The following ARHGAP42 variants were observed in gnomAD, a reference collection of about 807,000 sequenced individuals.
The protein encoded by ARHGAP42 is rho GTPase-activating protein 42.
A neutral mutation model predicts 125.0 loss-of-function variants in ARHGAP42; 63 were observed. The observed-to-expected ratio is 0.50, with a 90% CI of 0.41 to 0.62. ARHGAP42 has a LOEUF of 0.62. ARHGAP42 is among the 20% of genes least tolerant of loss of function. ARHGAP42 has a pLI of 0.00. For synonymous variants in ARHGAP42, 339 were observed against 351.0 expected (o/e 0.97, Z 0.38); for missense variants, 766 against 1,024.2 (o/e 0.75, Z 3.44).
chr11:100,932,960 G>C (rs1015770084), intron 6 of ARHGAP42, among the ~76,000 whole-genome samples, 196 bp from the exon 7 acceptor site: 5 of 152,054 alleles, frequency 3.3e-5, no homozygotes, highest in African/African-American at 9.7e-5. Context: ...TTAAATTACT[G>C]TCTACCAAAA....
intron 1 of ARHGAP42, among the ~76,000 whole-genome samples, chr11:100,757,132 G>A (rs1450466406): frequency 6.6e-6 from 1 of 152,156 alleles, no homozygotes; most frequent in East Asian, 1.9e-4. Context: ...ACTTTTTAAA[G>A]TGAGAAAATG....
intron 1 of ARHGAP42, among the ~76,000 whole-genome samples, chr11:100,741,868 C>T (rs1862194281): frequency 6.6e-6 from 1 of 152,170 alleles, no homozygotes; most frequent in Admixed American, 6.5e-5. Flanking sequence ...GTACTAGGGA[C>T]TGCAATGTGC....
chr11:100,751,288 T>G (rs866022860), intron 1 of ARHGAP42, among the ~76,000 whole-genome samples: 6 of 139,204 alleles, frequency 4.3e-5, no homozygotes, highest in South Asian at 4.4e-4. Flanking sequence ...TGTTTTTTTT[T>G]TTTTTTTTTT....
At chr11:100,774,186 G>A (rs17651201) in intron 2 of ARHGAP42, among the ~76,000 whole-genome samples, 3,997 of 152,226 alleles carry the variant, frequency 0.026, 71 homozygotes, top group Non-Finnish European at 0.032. Flanking sequence ...TTGCTGACCT[G>A]GAAGATTATG....
intron 23 of ARHGAP42, 132 bp downstream of exon 23, chr11:100,987,724 A>G (rs1858718014): frequency 2.5e-6 from 2 of 790,938 alleles, no homozygotes; most frequent in Non-Finnish European, 4.1e-6. Context: ...CATAACGGGC[A>G]TGCATGAACA....
intron 2 of ARHGAP42, among the ~76,000 whole-genome samples, chr11:100,783,486 G>A (rs561022743): frequency 1.8e-4 from 27 of 152,276 alleles, no homozygotes; most frequent in African/African-American, 5.5e-4. Flanking sequence ...ATATGCAGAA[G>A]AAGGCACAGT....
At chr11:100,775,718 A>C (rs887948960) in intron 2 of ARHGAP42, among the ~76,000 whole-genome samples, 7 of 152,214 alleles carry the variant, frequency 4.6e-5, no homozygotes, top group Non-Finnish European at 1.0e-4. Context: ...AAAGACTTTA[A>C]GTCTGAGCAC....
chr11:100,793,981 G>T (rs1053091427), intron 2 of ARHGAP42, among the ~76,000 whole-genome samples: 1 of 149,842 alleles, frequency 6.7e-6, no homozygotes, highest in Non-Finnish European at 1.5e-5. Flanking sequence ...TACTTGGGAG[G>T]CTGAGGTGGG....
At chr11:100,985,901 T>C (rs629813) in intron 22 of ARHGAP42, among the ~76,000 whole-genome samples, 29,897 of 152,092 alleles carry the variant, frequency 0.2, 3,642 homozygotes, top group East Asian at 0.45. Context: ...GAAATTATAA[T>C]GTAATGCTGC....
intron 3 of ARHGAP42, among the ~76,000 whole-genome samples, chr11:100,835,203 A>T (rs1038492930): frequency 2.0e-5 from 3 of 152,082 alleles, no homozygotes; most frequent in African/African-American, 7.2e-5. Context: ...CTTCTGTGGT[A>T]TGTTACTCAA....
At chr11:100,918,272 T>A (rs775444997) in intron 5 of ARHGAP42, among the ~76,000 whole-genome samples, 1 of 152,244 alleles carries the variant, frequency 6.6e-6, no homozygotes, top group African/African-American at 2.4e-5. Flanking sequence ...TCATTTTATC[T>A]GTTCCTCATT....
intron 4 of ARHGAP42, among the ~76,000 whole-genome samples, chr11:100,897,935 G>A (rs780884707): frequency 2.6e-5 from 4 of 152,150 alleles, no homozygotes; most frequent in East Asian, 3.8e-4. Flanking sequence ...CAAAGGGAAT[G>A]TTTCCAGTTT....
chr11:100,913,771 A>G (rs1866991306), intron 5 of ARHGAP42, among the ~76,000 whole-genome samples: 1 of 151,834 alleles, frequency 6.6e-6, no homozygotes, highest in Non-Finnish European at 1.5e-5. Flanking sequence ...GAAAGGTTGA[A>G]ACAAGATCTT....
intron 1 of ARHGAP42, chr11:100,738,426 A>C (rs1862111926): frequency 6.6e-6 from 1 of 152,218 alleles, no homozygotes; most frequent in African/African-American, 2.4e-5. Flanking sequence ...GCAGTCTAAC[A>C]AAGAAGTGCC....
Position 100,843,049 on chromosome 11 carries a change from T to C in ARHGAP42, c.313-16505T>C, listed in dbSNP as rs143948609. Among the ~76,000 whole-genome samples, 1,114 of 151,974 alleles carry C rather than the reference T, an allele frequency of 7.3e-3. 5 individuals are homozygous for C. Among genetic ancestry groups the C allele is most frequent in the Middle Eastern group, 0.037 (11 of 294 alleles). On this transcript the variant is annotated intron_variant, in intron 3 of 23. Transcript: ENST00000298815. Reference sequence around the variant, plus strand: ...AAAGCTGGTTCTTTGAAAAGTTAAATAAAATGGATAGACCATTAGCAAGAT... The same window carrying C: ...AAAGCTGGTTCTTTGAAAAGTTAAACAAAATGGATAGACCATTAGCAAGAT...
At chr11:100,943,925 G>A (rs1867950166) in intron 10 of ARHGAP42, 57 bp downstream of exon 10, 1 of 1,133,612 alleles carries the variant, frequency 8.8e-7, no homozygotes, top group African/African-American at 1.6e-5. Flanking sequence ...GTCTCTTTCT[G>A]TATTTAAATA....
chr11:100,949,116 T>C (rs1009728016), intron 11 of ARHGAP42, among the ~76,000 whole-genome samples: 3 of 152,086 alleles, frequency 2.0e-5, no homozygotes, highest in Non-Finnish European at 4.4e-5. Flanking sequence ...AGAACACTGT[T>C]ACTAGATCAG....
At position 100,976,404 on chromosome 11, in the gene ARHGAP42, GCTT is replaced by G. The variant is rs1452427088; in HGVS notation, c.2209_2211del (p.Ser737del). 1 of 1,539,806 alleles carries G rather than the reference GCTT, an allele frequency of 6.5e-7. No homozygotes were observed. The highest frequency in any genetic ancestry group is 1.4e-5 in the African/African-American group (1 of 72,704). ...GCTTTCAGGACTGAAAAGAGCTTCT[GCTT>G]CTTCTCTCAGATCCATCTCTGCAGC... is the stretch of plus-strand genomic sequence containing the variant. On this transcript the variant is annotated inframe_deletion, in exon 20 of 24. Transcript: ENST00000298815.
At chr11:100,689,764 C>G (rs886260433) in intron 1 of ARHGAP42, among the ~76,000 whole-genome samples, 1 of 152,296 alleles carries the variant, frequency 6.6e-6, no homozygotes, top group Middle Eastern at 3.4e-3. Flanking sequence ...TTGATTATTA[C>G]TTCTTTCATT....
Sources: allele counts gnomAD v4.1 joint callset (sites outside exome capture counted in the v4.1 genomes callset), GRCh38; gene constraint gnomAD v4.1.1; transcripts MANE v1.5; gene names NCBI Gene and HGNC (gene_info 2026-07-23, HGNC 2026-07-21).